Variants in DCLK1 observed in about 807,000 individuals in gnomAD.
DCLK1 encodes doublecortin like kinase 1.
DCLK1 carries 16 observed loss-of-function variants against 86.2 expected under a neutral mutation model. That is an observed-to-expected ratio of 0.19 (90% confidence interval 0.13 to 0.28). The LOEUF (loss-of-function observed/expected upper bound fraction) is 0.28, where lower values mean the gene tolerates loss of function less well. DCLK1 is among the 10% of genes least tolerant of loss of function. The pLI is 1.00. For synonymous variants in DCLK1, 369 were observed against 370.5 expected, an observed-to-expected ratio of 1.00 and a Z score of 0.05; for missense variants, 590 against 940.2, an observed-to-expected ratio of 0.63 and a Z score of 4.87.
chr13:36,045,606 C>T (rs1882881229), intron 3 of DCLK1, among the ~76,000 whole-genome samples: 1 of 151,984 alleles, frequency 6.6e-6, no homozygotes, highest in East Asian at 1.9e-4. Context: ...AATCCCAGCA[C>T]TTTAGGAGCC....
chr13:35,920,608 A>G (rs1400501080), intron 4 of DCLK1, among the ~76,000 whole-genome samples: 1 of 152,130 alleles, frequency 6.6e-6, no homozygotes, highest in Non-Finnish European at 1.5e-5. Context: ...ATGAGAGACA[A>G]GGTTGAGACC....
At chr13:35,895,162 C>T (rs1873880299) in intron 4 of DCLK1, among the ~76,000 whole-genome samples, 3 of 152,050 alleles carry the variant, frequency 2.0e-5, no homozygotes, top group East Asian at 3.9e-4. Context: ...AGGCTAGTCT[C>T]GAACGATCTC....
At chr13:35,923,605 C>G (rs1464396746) in intron 4 of DCLK1, among the ~76,000 whole-genome samples, 1 of 151,940 alleles carries the variant, frequency 6.6e-6, no homozygotes, top group Non-Finnish European at 1.5e-5. Flanking sequence ...TGGCTCAGCC[C>G]CTGATTCACC....
At chr13:36,056,887 CTG>C (rs1883341409) in intron 3 of DCLK1, among the ~76,000 whole-genome samples, 2 of 90,974 alleles carry the variant, frequency 2.2e-5, no homozygotes, top group Admixed American at 2.9e-4. Context: ...CAGAGCAAGA[CTG>C]TGACAAAAAA....
intron 4 of DCLK1, among the ~76,000 whole-genome samples, chr13:35,892,412 G>A (rs1873701934): frequency 6.6e-6 from 1 of 152,146 alleles, no homozygotes; most frequent in African/African-American, 2.4e-5. Flanking sequence ...TCCGAAATGA[G>A]TCACTGATGA....
intron 2 of DCLK1, among the ~76,000 whole-genome samples, chr13:36,114,666 T>G (rs1353124910): frequency 1.3e-5 from 2 of 152,268 alleles, no homozygotes; most frequent in Non-Finnish European, 2.9e-5. Context: ...TAACTATTTT[T>G]ACAGTAATCA....
chr13:35,868,595 T>C (rs1872028381), intron 5 of DCLK1, among the ~76,000 whole-genome samples: 1 of 152,194 alleles, frequency 6.6e-6, no homozygotes, highest in Admixed American at 6.5e-5. Context: ...TTTTTAATAG[T>C]ATTGATACTA....
chr13:36,039,153 T>G (rs1214860619), intron 3 of DCLK1, among the ~76,000 whole-genome samples: 1 of 152,328 alleles, frequency 6.6e-6, no homozygotes, highest in Non-Finnish European at 1.5e-5. Flanking sequence ...ATATCTCATT[T>G]CAGGTAAGGA....
intron 3 of DCLK1, among the ~76,000 whole-genome samples, chr13:35,955,376 A>T (rs1003704355): frequency 6.6e-6 from 1 of 152,038 alleles, no homozygotes; most frequent in Non-Finnish European, 1.5e-5. Context: ...GTGTCTGGTG[A>T]GGGCCTGCTT....
At chr13:35,937,486 G>A (rs1593749355) in intron 4 of DCLK1, among the ~76,000 whole-genome samples, 2 of 152,234 alleles carry the variant, frequency 1.3e-5, no homozygotes, top group East Asian at 1.9e-4. Flanking sequence ...CTGCAGAGTA[G>A]GGGACTCACC....
rs112739939 is a variant in DCLK1, at chr13:35,774,630, T to C, written c.2128A>G (p.Lys710Glu). 1.2e-6 allele frequency: 2 copies of C among 1,607,218 alleles called. No homozygotes were observed. Among genetic ancestry groups the C allele is most frequent in the East Asian group, 2.2e-5 (1 of 44,662 alleles). Residue 710 changes from lysine to glutamate, a missense_variant, in exon 17 of 17, where the codon AAG becomes GAG. By Grantham distance (56) the Lys-to-Glu change is moderately conservative. This residue lies in a region of DCLK1 where 146 missense variants were observed against 190.2 expected (regional missense o/e 0.77). Transcript: ENST00000360631. Reference sequence around the variant, plus strand: ...AGTTCGGGAGGAGCTGGCTGCGCCTTGTACCGGCTCCTCACATCCTGGTTG... The same window carrying C: ...AGTTCGGGAGGAGCTGGCTGCGCCTCGTACCGGCTCCTCACATCCTGGTTG... ...RRNQDVRSRY[K>E]AQPAPPELNS... is the part of the protein sequence containing the mutation.
chr13:35,779,065 G>A (rs769230834), intron 16 of DCLK1, among the ~76,000 whole-genome samples: 10 of 151,812 alleles, frequency 6.6e-5, no homozygotes, highest in Non-Finnish European at 1.5e-4. Flanking sequence ...GCCCAGGCTG[G>A]AGTGCAGTGG....
chr13:35,966,612 C>G (rs1381812151), intron 3 of DCLK1, among the ~76,000 whole-genome samples: 1 of 151,146 alleles, frequency 6.6e-6, no homozygotes, highest in Non-Finnish European at 1.5e-5. Context: ...CTGCCTGATT[C>G]TCCTGCCTCA....
chr13:35,949,281 GAT>G (rs1431010261), intron 3 of DCLK1, among the ~76,000 whole-genome samples: 2 of 152,204 alleles, frequency 1.3e-5, no homozygotes, highest in African/African-American at 2.4e-5. Flanking sequence ...TCAAAGAAGA[GAT>G]AGAAAAATCC....
At chr13:36,008,419 T>G (rs1424689963) in intron 3 of DCLK1, among the ~76,000 whole-genome samples, 1 of 95,516 alleles carries the variant, frequency 1.0e-5, no homozygotes, top group Non-Finnish European at 1.9e-5. Flanking sequence ...TTCCCCTTCC[T>G]GTGTCCATGT....
intron 4 of DCLK1, among the ~76,000 whole-genome samples, chr13:35,924,617 T>G (rs1296125456): frequency 6.6e-6 from 1 of 152,146 alleles, no homozygotes; most frequent in Non-Finnish European, 1.5e-5. Flanking sequence ...GCCACTGCAC[T>G]CCAGCCTGGG....
chr13:35,947,371 C>T lies in DCLK1; in HGVS notation c.810G>A (p.Leu270=). The part of the protein sequence containing the change: ...PEKFRYQDDF[L]LDESECRVVK... Reference sequence around the variant, plus strand: ...TTTTTTCCTTACCACTTTCATCTAGCAAGAAATCATCCTGGTAACGGAACT... The same window carrying T: ...TTTTTTCCTTACCACTTTCATCTAGTAAGAAATCATCCTGGTAACGGAACT... The change falls in exon 4 of 17, where the codon TTG becomes TTA. Residue 270 remains leucine (L), a synonymous_variant. Coordinates refer to ENST00000360631, the MANE Select transcript of DCLK1 (RefSeq NM_001330071.2). 6.2e-6 allele frequency: 10 copies of T among 1,613,634 alleles called. No individual in the cohort carries two copies. The highest frequency in any genetic ancestry group is 8.5e-6 in the Non-Finnish European group (10 of 1,179,768).
intron 3 of DCLK1, among the ~76,000 whole-genome samples, chr13:36,041,436 A>G (rs1216336116): frequency 6.6e-6 from 1 of 152,188 alleles, no homozygotes; most frequent in Non-Finnish European, 1.5e-5. Context: ...AATACAGGAC[A>G]ATAATTATGT....
chr13:35,887,110 T>G (rs1449569610), intron 4 of DCLK1, among the ~76,000 whole-genome samples: 1 of 152,230 alleles, frequency 6.6e-6, no homozygotes, highest in Admixed American at 6.5e-5. Flanking sequence ...TCTGTCTTCA[T>G]AGATAAATCC....
Sources: allele counts gnomAD v4.1 joint callset (sites outside exome capture counted in the v4.1 genomes callset), GRCh38; gene constraint gnomAD v4.1.1; regional missense constraint gnomAD v4.1.1; transcripts MANE v1.5; gene names NCBI Gene and HGNC (gene_info 2026-07-23, HGNC 2026-07-21).